LPIN1: variants seen among roughly 807,000 people sequenced by gnomAD.
LPIN1 encodes lipin 1, also known as phosphatidate phosphatase LPIN1.
LPIN1 carries 71 observed loss-of-function variants against 107.5 expected under a neutral mutation model. The ratio of observed to expected loss-of-function variants is 0.66; its 90% CI spans 0.55 to 0.80. LPIN1 has a LOEUF of 0.80. Among genes scored for constraint, LPIN1 ranks in the 30% least tolerant of loss-of-function variants. The pLI, the probability that LPIN1 is intolerant of heterozygous loss-of-function variation, is 0.00. For synonymous variants in LPIN1, 445 were observed against 452.6 expected, an observed-to-expected ratio of 0.98 and a Z score of 0.21; for missense variants, 1,043 against 1,160.6, an observed-to-expected ratio of 0.90 and a Z score of 1.47.
intron 1 of LPIN1, among the ~76,000 whole-genome samples, chr2:11,731,736 T>G (rs566375865): frequency 6.6e-6 from 1 of 152,348 alleles, no homozygotes; most frequent in South Asian, 2.1e-4. Flanking sequence ...CATCTATTGT[T>G]TCCTGACTTT....
chr2:11,733,394 A>G (rs978037153), intron 1 of LPIN1, among the ~76,000 whole-genome samples: 2 of 152,094 alleles, frequency 1.3e-5, no homozygotes, highest in Non-Finnish European at 2.9e-5. Flanking sequence ...CACACCCCTA[A>G]CACTAGTTGG....
intron 9 of LPIN1, 86 bp downstream of exon 9, chr2:11,784,008 G>C (rs779451790): frequency 1.9e-6 from 3 of 1,605,628 alleles, no homozygotes; most frequent in Non-Finnish European, 2.6e-6. Context: ...TGTTTGATTA[G>C]AAAGTGTGCA....
At chr2:11,767,939 G>A in intron 3 of LPIN1, 81 bp downstream of exon 3, 1 of 921,018 alleles carries the variant, frequency 1.1e-6, no homozygotes, top group Non-Finnish European at 1.8e-6. Flanking sequence ...GCAGAAGTTT[G>A]TGCAAAGTAA....
rs72773999 is a variant in LPIN1, at chr2:11,771,831, G to T, written c.596+152G>T. On this transcript the variant is annotated intron_variant, in intron 4 of 20. Coordinates refer to ENST00000674199, the MANE Select transcript of LPIN1 (RefSeq NM_001349206.2). This position sits in a 1 kb window ranked among gnomAD's most constrained non-coding sequence, Gnocchi z 4.8. ...CTTTTTGGCACTAGGGACCAGTTTT[G>T]TGGAAGACAGTGTTTCCATGGACCA... 116,736 of 728,914 alleles carry T rather than the reference G, an allele frequency of 0.16. 10,953 individuals are homozygous for T. Among genetic ancestry groups the T allele is most frequent in the Non-Finnish European group, 0.2 (85,961 of 439,890 alleles). The allele number at this position is 728,914 out of a possible 1,614,324, so 45.2% of individuals were successfully genotyped here. A position where few individuals can be genotyped will look rare whatever the true frequency, so the allele number is the denominator to read the frequency against.
chr2:11,759,496 G>T (rs1255600518), intron 1 of LPIN1, among the ~76,000 whole-genome samples: 1 of 152,092 alleles, frequency 6.6e-6, no homozygotes, highest in Non-Finnish European at 1.5e-5. Flanking sequence ...CACCGGGTTG[G>T]GGGTAAGGTC....
At chr2:11,819,261 G>A (rs1423690771) in intron 18 of LPIN1, 1 of 540,872 alleles carries the variant, frequency 1.8e-6, no homozygotes, top group Non-Finnish European at 3.3e-6. Context: ...ATAACCCTTG[G>A]TGAAATGGCT....
intron 1 of LPIN1, among the ~76,000 whole-genome samples, chr2:11,689,733 A>G (rs1662178802): frequency 6.6e-6 from 1 of 152,120 alleles, no homozygotes; most frequent in African/African-American, 2.4e-5. Flanking sequence ...GCGAAACCCC[A>G]TCTCTACTAA....
intron 2 of LPIN1, chr2:11,767,459 T>C (rs773565173): frequency 2.5e-5 from 9 of 365,788 alleles, no homozygotes; most frequent in Admixed American, 4.0e-5. Context: ...GCAAAAATAA[T>C]TGCAGTTTTT....
intron 1 of LPIN1, among the ~76,000 whole-genome samples, chr2:11,730,981 G>A (rs867287598): frequency 6.6e-6 from 1 of 152,180 alleles, no homozygotes; most frequent in South Asian, 2.1e-4. Flanking sequence ...AAGACGCAGC[G>A]GTAGGCAGGC....
chr2:11,773,240 C>T (rs1672144043), intron 4 of LPIN1, among the ~76,000 whole-genome samples: 1 of 152,194 alleles, frequency 6.6e-6, no homozygotes, highest in African/African-American at 2.4e-5. Flanking sequence ...TCTGCCTGTA[C>T]CTGGCAGGGG....
intron 17 of LPIN1, among the ~76,000 whole-genome samples, chr2:11,811,149 C>G (rs1426726723): frequency 6.6e-6 from 1 of 152,204 alleles, no homozygotes; most frequent in Non-Finnish European, 1.5e-5. Context: ...GTGCCATGCC[C>G]TGTGCGTACC....
At chr2:11,739,926 T>C (rs1418448723) in intron 1 of LPIN1, among the ~76,000 whole-genome samples, 1 of 152,080 alleles carries the variant, frequency 6.6e-6, no homozygotes, top group African/African-American at 2.4e-5. Context: ...CCAAATAAGA[T>C]AGATAGAGAT....
At chr2:11,810,878 A>G (rs895304495) in intron 17 of LPIN1, among the ~76,000 whole-genome samples, 1 of 152,110 alleles carries the variant, frequency 6.6e-6, no homozygotes, top group Admixed American at 6.5e-5. Flanking sequence ...TCCCCGAGTC[A>G]GTGTCTTAAG....
At chr2:11,684,368 A>G (rs12465837) in intron 1 of LPIN1, among the ~76,000 whole-genome samples, 2,220 of 152,302 alleles carry the variant, frequency 0.015, 111 homozygotes, top group East Asian at 0.12. Context: ...TGTAAAAACA[A>G]GGTTTCTCTA....
intron 1 of LPIN1, among the ~76,000 whole-genome samples, chr2:11,764,541 C>G (rs1378405609): frequency 1.3e-5 from 2 of 152,232 alleles, no homozygotes; most frequent in African/African-American, 2.4e-5. Context: ...GCCCCAGGCC[C>G]TGTAGAGGAG....
chr2:11,724,323 G>C (rs1664382603), upstream of LPIN1: 1 of 985,678 alleles, frequency 1.0e-6, no homozygotes, highest in Non-Finnish European at 1.2e-6. Flanking sequence ...GCCTTTCCCA[G>C]GAGAGCCCAT....
At position 11,746,666 on chromosome 2, in the gene LPIN1, C is replaced by A. The variant is rs1042925022; in HGVS notation, c.-15C>A. 1.2e-5 allele frequency: 12 copies of A among 985,110 alleles called. No homozygotes were observed. In the East Asian group the frequency reaches 4.5e-4, roughly 37 times the overall value. The allele number at this position is 985,110 out of a possible 1,614,324, so 61.0% of individuals were successfully genotyped here. ...ATACAAAGGCGGCCACGCGCGGCGC[C>A]GCTCGGTGAGTAGCCGCCGCCTCCA... On this transcript the variant is annotated 5_prime_UTR_variant, in exon 1 of 21. Coordinates refer to ENST00000674199, the MANE Select transcript of LPIN1 (RefSeq NM_001349206.2).
chr2:11,811,781 T>C (rs182189877), intron 17 of LPIN1, among the ~76,000 whole-genome samples: 97 of 152,274 alleles, frequency 6.4e-4, no homozygotes, highest in African/African-American at 1.9e-3. Flanking sequence ...GGTCAAGAGA[T>C]CGAGACCATC....
In LPIN1 at chr2:11,786,390, G is replaced by A. The variant is rs916413781; in HGVS notation, c.1550-684G>A. 2.6e-5 allele frequency among the ~76,000 whole-genome samples: 4 copies of A among 152,226 alleles called. No individual in the cohort carries two copies. The highest frequency in any genetic ancestry group is 3.4e-3 in the Middle Eastern group (1 of 294). On this transcript the variant is annotated intron_variant, in intron 10 of 20. Transcript: ENST00000674199. This position sits in a 1 kb window ranked among gnomAD's most constrained non-coding sequence, Gnocchi z 4.1. ...CTGGGCCAGGGAGATGGTCAGAACC[G>A]CGGTCAAGGCTTAAGGTACAGCCCA... is the stretch of plus-strand genomic sequence containing the variant.
Sources: gnomAD v4.1 joint callset for allele counts (sites outside exome capture counted in the v4.1 genomes callset) on GRCh38, gnomAD v4.1.1 for gene constraint, Gnocchi (gnomAD v3.1) non-coding constraint, MANE v1.5 for transcripts, NCBI Gene and HGNC (gene_info 2026-07-23, HGNC 2026-07-21) for gene names.